DMD: variants seen among roughly 807,000 people sequenced by gnomAD.
The protein encoded by DMD is mutant dystrophin.
DMD carries 63 observed loss-of-function variants against 330.1 expected under a neutral mutation model. The observed-to-expected ratio is 0.19, with a 90% CI of 0.16 to 0.24. The LOEUF (loss-of-function observed/expected upper bound fraction) is 0.24. Ranked by LOEUF, DMD falls within the 10% of genes least tolerant of loss-of-function variation. DMD has a pLI of 1.00. For synonymous variants in DMD, 1,223 were observed against 959.8 expected, an observed-to-expected ratio of 1.27 and a Z score of -5.07; for missense variants, 3,344 against 2,684.1, an observed-to-expected ratio of 1.25 and a Z score of -5.43.
intron 2 of DMD, among the ~76,000 whole-genome samples, chrX:32,876,209 TAA>T (rs1400033886): frequency 2.7e-5 from 3 of 111,808 alleles, no homozygotes; most frequent in South Asian, 3.7e-4. Flanking sequence ...CCCTAAGACA[TAA>T]GTTATTTTCA....
chrX:32,643,532 T>C (rs1418621266), intron 11 of DMD, among the ~76,000 whole-genome samples: 3 of 111,275 alleles, frequency 2.7e-5, no homozygotes, highest in African/African-American at 3.3e-5. Context: ...AAAACACATA[T>C]CCAGAATGAT....
chrX:32,553,082 T>A (rs1321897400), intron 16 of DMD, among the ~76,000 whole-genome samples: 1 of 111,933 alleles, frequency 8.9e-6, no homozygotes, highest in Non-Finnish European at 1.9e-5. Context: ...CCAAGAAGAA[T>A]ATAAATCCCT....
chrX:33,218,202 T>C (rs1225293114), intron 1 of DMD, among the ~76,000 whole-genome samples: 1 of 111,729 alleles, frequency 9.0e-6, no homozygotes, highest in Non-Finnish European at 1.9e-5. Flanking sequence ...GATCAAGTGA[T>C]TATTCTTCTT....
intron 2 of DMD, among the ~76,000 whole-genome samples, chrX:32,934,350 T>G (rs2089830863): frequency 1.8e-5 from 2 of 109,882 alleles, no homozygotes; most frequent in Non-Finnish European, 3.8e-5. Flanking sequence ...AGGCCAGGAG[T>G]TAGAGATCAG....
chrX:32,515,146 A>T lies in DMD; in HGVS notation c.2292+2862T>A, dbSNP rs1455018446. Among the ~76,000 whole-genome samples, 7 of 111,512 alleles carry T rather than the reference A, an allele frequency of 6.3e-5. No individual in the cohort carries two copies. The Admixed American group carries it at 6.7e-4, about 11-fold the overall frequency. On this transcript the variant is annotated intron_variant, in intron 18 of 78. Coordinates refer to ENST00000357033, the MANE Select transcript of DMD (RefSeq NM_004006.3). ...GTTTTCGAGGGTAAAATTGGTTTCC[A>T]CGTATGAGTAGAATAAGTATATAGA...
intron 7 of DMD, among the ~76,000 whole-genome samples, chrX:32,746,445 G>A (rs910836773): frequency 1.8e-5 from 2 of 111,600 alleles, no homozygotes; most frequent in South Asian, 3.7e-4. Flanking sequence ...CTCAAAGTGT[G>A]GATCCAGACC....
At chrX:31,542,892 T>C (rs1569550488) in intron 55 of DMD, among the ~76,000 whole-genome samples, 1 of 112,832 alleles carries the variant, frequency 8.9e-6, no homozygotes, top group Non-Finnish European at 1.9e-5. Context: ...TGGATATGGT[T>C]GCTAAATGCT....
At chrX:32,469,341 T>C (rs895613896) in intron 22 of DMD, among the ~76,000 whole-genome samples, 2 of 110,362 alleles carry the variant, frequency 1.8e-5, no homozygotes, top group African/African-American at 6.5e-5. Context: ...TTACTTTTAC[T>C]TTATAAAATA....
chrX:32,656,527 G>A (rs1478318821), intron 9 of DMD, among the ~76,000 whole-genome samples: 1 of 112,119 alleles, frequency 8.9e-6, no homozygotes, highest in African/African-American at 3.2e-5. Flanking sequence ...TTTTCTAGCA[G>A]CTGAGATTTT....
chrX:32,123,241 AT>A (rs2096646434), intron 44 of DMD, among the ~76,000 whole-genome samples: 5 of 88,034 alleles, frequency 5.7e-5, no homozygotes, highest in Non-Finnish European at 1.1e-4. Context: ...ATATATATAT[AT>A]AAATGATCAA....
intron 6 of DMD, among the ~76,000 whole-genome samples, chrX:32,812,753 C>T (rs1447259174): frequency 8.9e-6 from 1 of 112,151 alleles, no homozygotes; most frequent in Non-Finnish European, 1.9e-5. Context: ...TTTTCCAATA[C>T]CCCTAACAGC....
In DMD at chrX:33,150,508, G is replaced by T. The variant is rs138563142; in HGVS notation, c.31+60774C>A. Among the ~76,000 whole-genome samples the T allele has an allele frequency of 3.9e-3, 430 of 109,315 alleles. 1 individual carries two copies. The highest frequency in any genetic ancestry group is 0.014 in the African/African-American group (406 of 30,021). 94.9% of individuals were successfully genotyped at this position (109,315 alleles called of 115,157 possible). On this transcript the variant is annotated intron_variant, in intron 1 of 78. Transcript: ENST00000357033. ...GGGGTTTCGCCATACTGGCCAGGTT[G>T]GTCTCGAACTCCTGACCTCAAGTGA...
chrX:32,513,644 C>A (rs2045566924), intron 18 of DMD, among the ~76,000 whole-genome samples: 1 of 111,287 alleles, frequency 9.0e-6, no homozygotes. Flanking sequence ...TAAAGGAGGT[C>A]TGGGGAAATA....
intron 33 of DMD, among the ~76,000 whole-genome samples, chrX:32,383,345 C>T (rs1603632190): frequency 9.0e-6 from 1 of 111,291 alleles, no homozygotes; most frequent in East Asian, 2.8e-4. Flanking sequence ...TTGTGGCAGA[C>T]ACAACCATAT....
At chrX:31,816,836 G>GAAAGA (rs756722676) in intron 50 of DMD, among the ~76,000 whole-genome samples, 98 of 62,507 alleles carry the variant, frequency 1.6e-3, no homozygotes, top group Non-Finnish European at 2.3e-3. Context: ...AAAAAAGAAA[G>GAAAGA]AAAGAAAAGA....
chrX:32,242,340 T>G (rs929505773), intron 43 of DMD, among the ~76,000 whole-genome samples: 3 of 111,768 alleles, frequency 2.7e-5, no homozygotes, highest in Non-Finnish European at 5.6e-5. Flanking sequence ...ATGATCAGTC[T>G]CATCACTCCC....
chrX:32,746,857 C>CT (rs1423324027), intron 7 of DMD, among the ~76,000 whole-genome samples: 1 of 110,959 alleles, frequency 9.0e-6, no homozygotes, highest in Non-Finnish European at 1.9e-5. Context: ...CCTTTCCTCC[C>CT]TCTCCTCCCT....
At position 33,095,345 on chromosome X, in the gene DMD, T is replaced by A. The variant is rs143215244; in HGVS notation, c.32-75145A>T. On this transcript the variant is annotated intron_variant, in intron 1 of 78. Coordinates refer to ENST00000357033, the MANE Select transcript of DMD (RefSeq NM_004006.3). ...ATAGCGAACAACATAAATGTTAGCA[T>A]TCATAGATCAGCCTTTTATGGGAAT... is the stretch of plus-strand genomic sequence containing the variant. Among the ~76,000 whole-genome samples the A allele has an allele frequency of 3.0e-3, 336 of 112,625 alleles. 2 individuals carry two copies. Among genetic ancestry groups the A allele is most frequent in the African/African-American group, 0.01 (319 of 31,065 alleles).
intron 59 of DMD, among the ~76,000 whole-genome samples, chrX:31,450,252 C>T (rs2065624569): frequency 8.9e-6 from 1 of 111,744 alleles, no homozygotes; most frequent in Non-Finnish European, 1.9e-5. Flanking sequence ...GGCTCTTCCT[C>T]GTGGTTCAGG....
Sources: gnomAD v4.1 joint callset for allele counts (sites outside exome capture counted in the v4.1 genomes callset) on GRCh38, gnomAD v4.1.1 for gene constraint, MANE v1.5 for transcripts, NCBI Gene and HGNC (gene_info 2026-07-23, HGNC 2026-07-21) for gene names.